Variants in AK9 observed in about 807,000 individuals in gnomAD.
AK9 encodes adenylate kinase domain containing 1.
In AK9, 191 loss-of-function variants were observed where a neutral mutation model predicts 239.6. The observed-to-expected ratio is 0.80, with a 90% CI of 0.71 to 0.90. The LOEUF (loss-of-function observed/expected upper bound fraction) is 0.90, where lower values mean the gene tolerates loss of function less well. Among genes scored for constraint, AK9 ranks in the 40% least tolerant of loss-of-function variants. The pLI, the probability that AK9 is intolerant of heterozygous loss-of-function variation, is 0.00. For synonymous variants in AK9, 689 were observed against 721.0 expected, an observed-to-expected ratio of 0.96 and a Z score of 0.71; for missense variants, 1,995 against 2,214.7, an observed-to-expected ratio of 0.90 and a Z score of 1.99.
chr6:109,645,181 A>G (rs1226980475), intron 8 of AK9, among the ~76,000 whole-genome samples: 1 of 152,202 alleles, frequency 6.6e-6, no homozygotes, highest in African/African-American at 2.4e-5. Context: ...CAACTGAGGT[A>G]CTTGGTTCAT....
intron 27 of AK9, among the ~76,000 whole-genome samples, chr6:109,534,233 G>GAAA (rs1181662173): frequency 7.0e-6 from 1 of 142,524 alleles, no homozygotes; most frequent in African/African-American, 2.6e-5. Flanking sequence ...AAAAAAAAAA[G>GAAA]AAAAAAAAAG....
In AK9 at chr6:109,548,484, C is replaced by T. The variant is rs550330360; in HGVS notation, c.2964+1606G>A. On this transcript the variant is annotated intron_variant, in intron 25 of 40. Transcript: ENST00000424296. ...ATGCCCCAAAGAGATCAGCAGTTTC[C>T]AAATGGACAATTTGTTTGAAAAAAG... Among the ~76,000 whole-genome samples the T allele has an allele frequency of 3.6e-4, 55 of 152,088 alleles. 1 individual carries two copies. The highest frequency in any genetic ancestry group is 7.9e-4 in the Non-Finnish European group (54 of 67,984).
rs766754088 is a variant in AK9, at chr6:109,497,581, A to C, written c.5217-18T>G. 1.3e-6 allele frequency: 2 copies of C among 1,519,766 alleles called. No homozygotes were observed. The highest frequency in any genetic ancestry group is 4.5e-5 in the East Asian group (2 of 44,368). 94.1% of individuals were successfully genotyped at this position (1,519,766 alleles called of 1,614,324 possible). A position where few individuals can be genotyped will look rare whatever the true frequency, so the allele number is the denominator to read the frequency against. On this transcript the variant is annotated intron_variant, in intron 37 of 40. Transcript: ENST00000424296. ...CTTCATATCTGGAAGACCAAAAAAC[A>C]AAACAAAACCTCTATTGTATAATTA...
chr6:109,616,391 A>ATT (rs377497094), intron 13 of AK9, among the ~76,000 whole-genome samples: 1 of 149,916 alleles, frequency 6.7e-6, no homozygotes, highest in Non-Finnish European at 1.5e-5. Context: ...GATAATTTTC[A>ATT]TTTTTTTTTC....
chr6:109,580,238 C>T (rs74815211), intron 19 of AK9, among the ~76,000 whole-genome samples: 2 of 151,790 alleles, frequency 1.3e-5, no homozygotes, highest in Non-Finnish European at 2.9e-5. Context: ...TTTAAAGAGA[C>T]CTGGAATATG....
chr6:109,632,785 A>G, intron 12 of AK9, 138 bp downstream of exon 12: 1 of 1,367,782 alleles, frequency 7.3e-7, no homozygotes, highest in Middle Eastern at 2.7e-4. Flanking sequence ...TTATTCAATT[A>G]AAACATGAAA....
intron 5 of AK9, among the ~76,000 whole-genome samples, chr6:109,667,971 T>C (rs954813277): frequency 2.0e-5 from 3 of 152,156 alleles, no homozygotes; most frequent in African/African-American, 7.2e-5. Flanking sequence ...CCCTGAGGAA[T>C]CGCCACAGTC....
intron 28 of AK9, among the ~76,000 whole-genome samples, chr6:109,529,810 C>T (rs1057062064): frequency 5.3e-5 from 8 of 152,032 alleles, no homozygotes; most frequent in Non-Finnish European, 1.2e-4. Flanking sequence ...CTGATCTGAC[C>T]AGAGGCAGAG....
Position 109,675,672 on chromosome 6 carries a change from A to C in AK9, c.74T>G (p.Phe25Cys), listed in dbSNP as rs1048234291. Residue 25 changes from phenylalanine (F) to cysteine (C), a missense_variant, in exon 2 of 41, where the codon TTT becomes TGT. Transcript: ENST00000424296. The part of the protein sequence containing the change: ...IFDEDETERN[F>C]LLSKPVCFVV... Reference sequence around the variant, plus strand: ...AAAGCAAACAGGTTTGGACAACAAAAAATTCCTTTCAGTTTCATCTTCATC... The same window carrying C: ...AAAGCAAACAGGTTTGGACAACAAACAATTCCTTTCAGTTTCATCTTCATC... 6.3e-7 allele frequency: 1 copy of C among 1,597,872 alleles called. No individual in the cohort carries two copies.
At chr6:109,554,586 C>T (rs1341311779) in intron 24 of AK9, among the ~76,000 whole-genome samples, 3 of 128,154 alleles carry the variant, frequency 2.3e-5, no homozygotes, top group African/African-American at 8.8e-5. Flanking sequence ...GGATGGAGTG[C>T]AATGGTGTGA....
chr6:109,563,815 G>C (rs1786106205), intron 23 of AK9, 103 bp from the exon 24 acceptor site: 1 of 1,312,906 alleles, frequency 7.6e-7, no homozygotes, highest in Non-Finnish European at 1.0e-6. Context: ...ATTATTATTA[G>C]TCTCTTAGAT....
At chr6:109,630,826 T>C (rs1287084015) in intron 12 of AK9, among the ~76,000 whole-genome samples, 1 of 151,504 alleles carries the variant, frequency 6.6e-6, no homozygotes, top group Non-Finnish European at 1.5e-5. Context: ...GCCTGGGCAA[T>C]AGAGCAAGAC....
Position 109,662,564 on chromosome 6 carries a change from A to C in AK9, c.431T>G (p.Ile144Arg). 1 of 1,546,152 alleles carries C rather than the reference A, an allele frequency of 6.5e-7. No individual in the cohort carries two copies. The highest frequency in any genetic ancestry group is 8.7e-7 in the Non-Finnish European group (1 of 1,145,278). The change falls in exon 6 of 41, where the codon ATA (isoleucine) becomes AGA (arginine). Residue 144 changes from isoleucine to arginine, a missense_variant. Physicochemically the swap from Ile to Arg is moderately conservative, Grantham distance 97 (BLOSUM62 -3). Transcript: ENST00000424296. ...TAATATCCTTACCTTTATATTGATT[A>C]TAACATCAGGTTTCAGGTTTAAGTT... The part of the protein sequence containing the change: ...IKNLNLKPDV[I>R]INIKCPDYDL...
intron 29 of AK9, among the ~76,000 whole-genome samples, chr6:109,527,327 A>G (rs532846147): frequency 6.6e-5 from 10 of 152,356 alleles, no homozygotes; most frequent in East Asian, 1.9e-4. Flanking sequence ...CAAGAAGACA[A>G]ACCTGGGAAG....
chr6:109,607,952 T>TCACC (rs1251509859), intron 17 of AK9, among the ~76,000 whole-genome samples: 1 of 151,932 alleles, frequency 6.6e-6, no homozygotes, highest in Non-Finnish European at 1.5e-5. Flanking sequence ...GCTGAAGGAT[T>TCACC]CACCCTCTCA....
At chr6:109,577,091 A>G (rs1245261880) in intron 20 of AK9, among the ~76,000 whole-genome samples, 1 of 152,014 alleles carries the variant, frequency 6.6e-6, no homozygotes, top group East Asian at 1.9e-4. Flanking sequence ...CGGCCTCCCA[A>G]AGTGCTGGGA....
intron 38 of AK9, among the ~76,000 whole-genome samples, chr6:109,496,874 T>G (rs1220024848): frequency 6.6e-6 from 1 of 152,044 alleles, no homozygotes; most frequent in African/African-American, 2.4e-5. Flanking sequence ...TCACTTACAA[T>G]CAGTCAATGT....
intron 29 of AK9, among the ~76,000 whole-genome samples, chr6:109,526,039 G>C (rs1780467422): frequency 6.6e-6 from 1 of 152,180 alleles, no homozygotes; most frequent in Non-Finnish European, 1.5e-5. Flanking sequence ...CACAGGAACA[G>C]AAAACCAACT....
chr6:109,559,752 T>C (rs1785502849), intron 24 of AK9, among the ~76,000 whole-genome samples: 1 of 152,226 alleles, frequency 6.6e-6, no homozygotes, highest in African/African-American at 2.4e-5. Flanking sequence ...TACATAGATG[T>C]ATTAATTTCA....
Sources: allele counts gnomAD v4.1 joint callset (sites outside exome capture counted in the v4.1 genomes callset), GRCh38; gene constraint gnomAD v4.1.1; transcripts MANE v1.5; gene names NCBI Gene and HGNC (gene_info 2026-07-23, HGNC 2026-07-21).